The following DCPS variants were observed in gnomAD, a reference collection of about 807,000 sequenced individuals.
DCPS encodes decapping enzyme, scavenger.
Under a neutral mutation model 34.7 loss-of-function variants are expected in DCPS, and 27 were observed. That is an observed-to-expected ratio of 0.78 (90% CI 0.57 to 1.07). The LOEUF (loss-of-function observed/expected upper bound fraction) is 1.07, where lower values mean the gene tolerates loss of function less well. Among genes scored for constraint, DCPS ranks in the 50% least tolerant of loss-of-function variants. The probability of loss-of-function intolerance (pLI) is 0.00; values close to 1 mark genes in which losing one functional copy is unlikely to be tolerated. For missense variants in DCPS, 464 were observed against 436.9 expected (o/e 1.06, Z -0.55); for synonymous variants, 185 against 185.7 (o/e 1.00, Z 0.03).
rs1303615494 is a variant in DCPS, at chr11:126,348,658, A to C, written c.*3045A>C. On this transcript the variant is annotated 3_prime_UTR_variant, in exon 6 of 6. Coordinates refer to ENST00000263579, the MANE Select transcript of DCPS (RefSeq NM_014026.6). This position sits in a 1 kb window ranked among gnomAD's most constrained non-coding sequence, Gnocchi z 5.3. The stretch of plus-strand genomic sequence containing the variant: ...ATATCAGACTCCCAGGTAACTCAAG[A>C]TGATAGCTTTGCAATATAGTGCCTC... Among the ~76,000 whole-genome samples, 2 of 152,190 alleles carry C rather than the reference A, an allele frequency of 1.3e-5. No individual in the cohort carries two copies. Among genetic ancestry groups the C allele is most frequent in the African/African-American group, 4.8e-5 (2 of 41,470 alleles).
intron 2 of DCPS, among the ~76,000 whole-genome samples, chr11:126,326,888 A>G (rs1001551480): frequency 1.3e-5 from 2 of 151,616 alleles, no homozygotes; most frequent in Admixed American, 6.6e-5. Context: ...ACGCCACTGC[A>G]CTCCAGCCTG....
rs1466196962 is a variant in DCPS, at chr11:126,338,090, G to A, written c.523-196G>A. The A allele has an allele frequency of 5.1e-6, 3 of 589,382 alleles. No homozygotes were observed. The Admixed American group carries it at 8.9e-5, about 18-fold the overall frequency. The allele number at this position is 589,382 out of a possible 1,614,324, so 36.5% of individuals were successfully genotyped here. On this transcript the variant is annotated intron_variant, in intron 3 of 5. Transcript: ENST00000263579. The surrounding 1 kb of genome is among the most constrained non-coding windows in gnomAD (Gnocchi z 5.4). ...TGAGTGCCAGCTGGAGTGGGAAGGG[G>A]GAAGTCCCTTCTGGACCCCTAAGAA...
At position 126,332,507 on chromosome 11, in the gene DCPS, G is replaced by A. The variant is rs1951801417; in HGVS notation, c.522+957G>A. ...TTTTCTCCCCAAGATTCAGGTCACTGTGGTGGAGGGTGTTGTGATGTGAGG... is the reference window on the plus strand; with the variant it reads ...TTTTCTCCCCAAGATTCAGGTCACTATGGTGGAGGGTGTTGTGATGTGAGG... On this transcript the variant is annotated intron_variant, in intron 3 of 5. Transcript: ENST00000263579. This position sits in a 1 kb window ranked among gnomAD's most constrained non-coding sequence, Gnocchi z 5.4. 6.6e-6 allele frequency among the ~76,000 whole-genome samples: 1 copy of A among 152,198 alleles called. No homozygotes were observed. The highest frequency in any genetic ancestry group is 2.1e-4 in the South Asian group (1 of 4,828).
rs1417616125 is a variant in DCPS at position 126,337,886 on chromosome 11, T to G, written c.523-400T>G. ...CTTTGCCCCATAGTCCTGAATAGAG[T>G]GAAATAGGATCCATGGAGGCAGCTC... On this transcript the variant is annotated intron_variant, in intron 3 of 5. Coordinates refer to ENST00000263579, the MANE Select transcript of DCPS (RefSeq NM_014026.6). The surrounding 1 kb of genome is among the most constrained non-coding windows in gnomAD (Gnocchi z 5.3). 6.0e-5 allele frequency: 12 copies of G among 201,486 alleles called. No homozygotes were observed. Among genetic ancestry groups the G allele is most frequent in the African/African-American group, 2.3e-4 (10 of 43,398 alleles). The allele number at this position is 201,486 out of a possible 1,614,324, so 12.5% of individuals were successfully genotyped here. A position where few individuals can be genotyped will look rare whatever the true frequency, so the allele number is the denominator to read the frequency against.
In DCPS at chr11:126,329,472, AG is replaced by A. The variant is rs1286158268; in HGVS notation, c.377-1932del. 6.6e-6 allele frequency among the ~76,000 whole-genome samples: 1 copy of A among 152,248 alleles called. No individual in the cohort carries two copies. The highest frequency in any genetic ancestry group is 6.5e-5 in the Admixed American group (1 of 15,286). On this transcript the variant is annotated intron_variant, in intron 2 of 5. Coordinates refer to ENST00000263579, the MANE Select transcript of DCPS (RefSeq NM_014026.6). This position sits in a 1 kb window ranked among gnomAD's most constrained non-coding sequence, Gnocchi z 5.0. ...AGCCAGTATGGAGAGTCATGTGGCCAGCCTGGGGCCAGTGGCCATGTCTTCC... is the reference window on the plus strand; with the variant it reads ...AGCCAGTATGGAGAGTCATGTGGCCACCTGGGGCCAGTGGCCATGTCTTCC...
intron 1 of DCPS, among the ~76,000 whole-genome samples, chr11:126,305,186 C>T (rs1951553862): frequency 6.6e-6 from 1 of 152,158 alleles, no homozygotes; most frequent in Non-Finnish European, 1.5e-5. Context: ...GATCTCGGCT[C>T]ACTGCAACCT....
chr11:126,324,510 A>C (rs1017856453), intron 2 of DCPS, among the ~76,000 whole-genome samples: 1 of 151,662 alleles, frequency 6.6e-6, no homozygotes, highest in Admixed American at 6.6e-5. Context: ...GCTGGAGTGC[A>C]GTGGCGAGAT....
At position 126,344,130 on chromosome 11, in the gene DCPS, T is replaced by C. The variant is rs1283542848; in HGVS notation, c.747+713T>C. 7.1e-6 allele frequency among the ~76,000 whole-genome samples: 1 copy of C among 141,488 alleles called. No individual in the cohort carries two copies. Among genetic ancestry groups the C allele is most frequent in the Non-Finnish European group, 1.5e-5 (1 of 64,606 alleles). The allele number at this position is 141,488 out of a possible 152,430, so 92.8% of individuals were successfully genotyped here. ...CCACTCTGAAATGTGATGCTCTGCC[T>C]AACACGCCAGAGCTAGCAGTCACAA... On this transcript the variant is annotated intron_variant, in intron 5 of 5. Transcript: ENST00000263579. The surrounding 1 kb of genome is among the most constrained non-coding windows in gnomAD (Gnocchi z 8.1).
rs1295629304 is a variant in DCPS, at chr11:126,344,795, C to T, written c.748-552C>T. Among the ~76,000 whole-genome samples the T allele has an allele frequency of 3.9e-5, 6 of 152,198 alleles. No individual in the cohort carries two copies. Among genetic ancestry groups the T allele is most frequent in the South Asian group, 2.1e-4 (1 of 4,830 alleles). On this transcript the variant is annotated intron_variant, in intron 5 of 5. Coordinates refer to ENST00000263579, the MANE Select transcript of DCPS (RefSeq NM_014026.6). The surrounding 1 kb of genome is among the most constrained non-coding windows in gnomAD (Gnocchi z 8.1). ...TTCTGCAAGGAGCCCGCTGAGACTT[C>T]GCCAGGTCTGTGTGGGAGCAGCCCC...
chr11:126,340,326 C>CTT (rs113328795), intron 4 of DCPS, among the ~76,000 whole-genome samples: 4 of 146,048 alleles, frequency 2.7e-5, no homozygotes, highest in Admixed American at 1.4e-4. Context: ...TTGCTTAATT[C>CTT]TTTTTTTTTT....
In DCPS at chr11:126,306,621, G is replaced by A. The variant is rs750901619; in HGVS notation, c.253G>A (p.Glu85Lys). Reference protein sequence around the residue: ...GDGEDAVVILEKTPFQVEQVA... With the variant: ...GDGEDAVVILKKTPFQVEQVA... ...TGGAGAGGATGCCGTTGTGATCCTG[G>A]AGAAGACGCCATTTCAGGTGGAACA... is the stretch of plus-strand genomic sequence containing the variant. Residue 85 changes from glutamate (E) to lysine (K), a missense_variant, in exon 2 of 6, where the codon GAG (glutamate) becomes AAG (lysine). Physicochemically the swap from Glu to Lys is moderately conservative, Grantham distance 56. Coordinates refer to ENST00000263579, the MANE Select transcript of DCPS (RefSeq NM_014026.6). 3.0e-5 allele frequency: 48 copies of A among 1,613,708 alleles called. No individual in the cohort carries two copies. Among genetic ancestry groups the A allele is most frequent in the Non-Finnish European group, 4.1e-5 (48 of 1,179,860 alleles).
At position 126,349,706 on chromosome 11, in the gene DCPS, C is replaced by T. The variant is rs1951973977; in HGVS notation, c.*4093C>T. Among the ~76,000 whole-genome samples the T allele has an allele frequency of 6.6e-6, 1 of 152,186 alleles. No homozygotes were observed. Among genetic ancestry groups the T allele is most frequent in the African/African-American group, 2.4e-5 (1 of 41,458 alleles). Reference sequence around the variant, plus strand: ...TATTGATGTAGGTCTGCCAACTCTTCCTTCTCAGGAAGGACTGTTTTTATT... The same window carrying T: ...TATTGATGTAGGTCTGCCAACTCTTTCTTCTCAGGAAGGACTGTTTTTATT... On this transcript the variant is annotated 3_prime_UTR_variant, in exon 6 of 6. Transcript: ENST00000263579. The surrounding 1 kb of genome is among the most constrained non-coding windows in gnomAD (Gnocchi z 5.4).
At position 126,329,173 on chromosome 11, in the gene DCPS, T is replaced by C. The variant is rs544752721; in HGVS notation, c.377-2232T>C. Among the ~76,000 whole-genome samples the C allele has an allele frequency of 1.3e-5, 2 of 152,296 alleles. No homozygotes were observed. The highest frequency in any genetic ancestry group is 4.8e-5 in the African/African-American group (2 of 41,564). ...TGCCTGACCTCTGACCTCTGGCCCA[T>C]GACCTATGACGCTGAGCTGTTAGAG... is the stretch of plus-strand genomic sequence containing the variant. On this transcript the variant is annotated intron_variant, in intron 2 of 5. Transcript: ENST00000263579. The surrounding 1 kb of genome is among the most constrained non-coding windows in gnomAD (Gnocchi z 5.0).
Position 126,304,079 on chromosome 11 carries a change from G to C in DCPS, c.-2G>C. The C allele has an allele frequency of 6.3e-7, 1 of 1,593,062 alleles. No homozygotes were observed. Among genetic ancestry groups the C allele is most frequent in the South Asian group, 1.1e-5 (1 of 89,220 alleles). On this transcript the variant is annotated 5_prime_UTR_variant, in exon 1 of 6. Coordinates refer to ENST00000263579, the MANE Select transcript of DCPS (RefSeq NM_014026.6). ...GCAGGCGCACACCGCCTCCGCGGCA[G>C]CATGGCGGACGCAGCTCCTCAACTA...
chr11:126,340,775 A>AT (rs1951869027), intron 4 of DCPS: 1 of 152,126 alleles, frequency 6.6e-6, no homozygotes, highest in African/African-American at 2.4e-5. Flanking sequence ...GAGATAATCC[A>AT]TTTTTTCATC....
At chr11:126,306,216 T>C (rs1565370013) in intron 1 of DCPS, among the ~76,000 whole-genome samples, 1 of 152,000 alleles carries the variant, frequency 6.6e-6, no homozygotes, top group African/African-American at 2.4e-5. Flanking sequence ...CTACTAAAAA[T>C]ACAAAAATTA....
In DCPS at chr11:126,332,768, G is replaced by T. The variant is rs971535088; in HGVS notation, c.522+1218G>T. Among the ~76,000 whole-genome samples, 2 of 150,288 alleles carry T rather than the reference G, an allele frequency of 1.3e-5. No individual in the cohort carries two copies. Among genetic ancestry groups the T allele is most frequent in the East Asian group, 1.9e-4 (1 of 5,184 alleles). On this transcript the variant is annotated intron_variant, in intron 3 of 5. Coordinates refer to ENST00000263579, the MANE Select transcript of DCPS (RefSeq NM_014026.6). This position sits in a 1 kb window ranked among gnomAD's most constrained non-coding sequence, Gnocchi z 5.4. The stretch of plus-strand genomic sequence containing the variant: ...GCATCTGGCTCAAGCTGACTTGTTT[G>T]TTGTTGTTGTTGTTGTTTGTTTGTT...
In DCPS at chr11:126,333,419, C is replaced by T. The variant is rs114638558; in HGVS notation, c.522+1869C>T. 2.2e-3 allele frequency among the ~76,000 whole-genome samples: 329 copies of T among 152,296 alleles called. 1 individual carries two copies. Among genetic ancestry groups the T allele is most frequent in the African/African-American group, 7.3e-3 (302 of 41,554 alleles). On this transcript the variant is annotated intron_variant, in intron 3 of 5. Coordinates refer to ENST00000263579, the MANE Select transcript of DCPS (RefSeq NM_014026.6). The surrounding 1 kb of genome is among the most constrained non-coding windows in gnomAD (Gnocchi z 5.7). Reference sequence around the variant, plus strand: ...GTAACAGGGAAGATAGACTTGTAAACGGGCAATTGTGACAATGGGATAAGC... The same window carrying T: ...GTAACAGGGAAGATAGACTTGTAAATGGGCAATTGTGACAATGGGATAAGC...
At chr11:126,326,457 C>T (rs969752700) in intron 2 of DCPS, among the ~76,000 whole-genome samples, 7 of 152,162 alleles carry the variant, frequency 4.6e-5, no homozygotes, top group Admixed American at 6.5e-5. Context: ...TAATAATACC[C>T]GTTCATGTTG....
Sources: gnomAD v4.1 joint callset for allele counts (sites outside exome capture counted in the v4.1 genomes callset) on GRCh38, gnomAD v4.1.1 for gene constraint, Gnocchi (gnomAD v3.1) non-coding constraint, MANE v1.5 for transcripts, NCBI Gene and HGNC (gene_info 2026-07-23, HGNC 2026-07-21) for gene names.